RNF216: variants seen among roughly 807,000 people sequenced by gnomAD.
The protein encoded by RNF216 is ring finger protein 216.
Under a neutral mutation model 110.8 loss-of-function variants are expected in RNF216, and 72 were observed. That is an observed-to-expected ratio of 0.65 (90% CI 0.54 to 0.79). RNF216 has a LOEUF of 0.79. RNF216 is among the 30% of genes least tolerant of loss of function. RNF216 has a pLI of 0.00. For missense variants in RNF216, 1,342 were observed against 1,141.2 expected (o/e 1.18, Z -2.54); for synonymous variants, 495 against 407.5 (o/e 1.21, Z -2.59).
chr7:5,651,474 T>C (rs1232826027), intron 14 of RNF216, among the ~76,000 whole-genome samples: 2 of 152,078 alleles, frequency 1.3e-5, no homozygotes, highest in Non-Finnish European at 2.9e-5. Context: ...TCAAGCGATC[T>C]ACCTGCCTTA....
intron 13 of RNF216, among the ~76,000 whole-genome samples, chr7:5,660,943 G>GTTTTTTTTTTTTTTTTTTT (rs1168463360): frequency 3.3e-5 from 3 of 90,164 alleles, no homozygotes; most frequent in African/African-American, 1.1e-4. Flanking sequence ...GAAGCCTTAG[G>GTTTTTTTTTTTTTTTTTTT]TTTTTTTTTT....
chr7:5,717,211 G>C (rs1263616061), intron 9 of RNF216, among the ~76,000 whole-genome samples: 1 of 152,054 alleles, frequency 6.6e-6, no homozygotes, highest in African/African-American at 2.4e-5. Flanking sequence ...AAATTAGCTG[G>C]GCATGGTGGC....
Position 5,731,375 on chromosome 7 carries a change from C to T in RNF216, c.1122-558G>A, listed in dbSNP as rs187794895. Among the ~76,000 whole-genome samples the T allele has an allele frequency of 2.6e-4, 40 of 152,020 alleles. 4 individuals are homozygous for T. The highest frequency in any genetic ancestry group is 9.0e-4 in the African/African-American group (37 of 41,260). ...TACACGTGGTTTATTTAGCTAGCTG[C>T]CAAGCTAGACTGATGAACAGATCAT... On this transcript the variant is annotated intron_variant, in intron 5 of 16. Transcript: ENST00000389902.
intron 15 of RNF216, among the ~76,000 whole-genome samples, chr7:5,637,294 G>C (rs1464475545): frequency 3.9e-5 from 6 of 152,230 alleles, no homozygotes; most frequent in South Asian, 2.1e-4. Context: ...AGGATGACTC[G>C]GGCTTGGCTT....
intron 15 of RNF216, among the ~76,000 whole-genome samples, chr7:5,634,246 C>T (rs1787258921): frequency 6.6e-6 from 1 of 152,070 alleles, no homozygotes. Flanking sequence ...TGCACTTTTC[C>T]TCCCCTTAGA....
chr7:5,662,262 G>C (rs902488256), intron 13 of RNF216, among the ~76,000 whole-genome samples: 1 of 152,214 alleles, frequency 6.6e-6, no homozygotes, highest in African/African-American at 2.4e-5. Context: ...ACACGTGTGA[G>C]GAAGTAGCTG....
chr7:5,769,656 A>G (rs560645127), intron 1 of RNF216, among the ~76,000 whole-genome samples: 61 of 152,208 alleles, frequency 4.0e-4, no homozygotes, highest in Admixed American at 9.2e-4. Flanking sequence ...CCTAAGAGGC[A>G]GAAGTTGCAG....
At chr7:5,662,816 C>G (rs559997320) in intron 13 of RNF216, among the ~76,000 whole-genome samples, 40 of 152,246 alleles carry the variant, frequency 2.6e-4, no homozygotes, top group African/African-American at 9.1e-4. Flanking sequence ...AGGGTGCCAT[C>G]TGACACTGGT....
chr7:5,711,188 G>C (rs1476419279), intron 13 of RNF216, among the ~76,000 whole-genome samples: 1 of 152,168 alleles, frequency 6.6e-6, no homozygotes, highest in Non-Finnish European at 1.5e-5. Flanking sequence ...GACATTCTTA[G>C]TTCACAGGGC....
At chr7:5,771,342 C>G (rs565843011) in intron 1 of RNF216, among the ~76,000 whole-genome samples, 1 of 152,030 alleles carries the variant, frequency 6.6e-6, no homozygotes, top group South Asian at 2.1e-4. Flanking sequence ...CTTAGAGGTG[C>G]AAAAGATACC....
intron 10 of RNF216, among the ~76,000 whole-genome samples, chr7:5,715,449 A>C (rs188313588): frequency 6.6e-6 from 1 of 152,316 alleles, no homozygotes; most frequent in East Asian, 1.9e-4. Context: ...TTCTTTATAT[A>C]AAGTTATCAT....
intron 14 of RNF216, 45 bp from the exon 15 acceptor site, chr7:5,641,421 A>AGTT: frequency 6.6e-7 from 1 of 1,513,632 alleles, no homozygotes; most frequent in South Asian, 1.1e-5. Flanking sequence ...GAAGATGAGG[A>AGTT]GGAAAAAAAT....
chr7:5,676,021 CTTTTTTTTTTT>C (rs1418181857), intron 13 of RNF216, among the ~76,000 whole-genome samples: 507 of 145,650 alleles, frequency 3.5e-3, no homozygotes, highest in African/African-American at 0.012. Context: ...CTTCTTTTTT[CTTTTTTTTTTT>C]GAGACAGAGT....
rs1786473136 is a variant in RNF216, at chr7:5,622,966, G to A, written c.2666C>T (p.Pro889Leu). Residue 889 changes from proline (P) to leucine (L), a missense_variant, in exon 17 of 17, where the codon CCC becomes CTC. Transcript: ENST00000389902. ...NMGPIPAPYV[P>L]PLPNVRVNYD... Reference sequence around the variant, plus strand: ...GTTGACCCGCACGTTGGGCAGAGGGGGCACGTACGGGGCTGGGATAGGCCC... The same window carrying A: ...GTTGACCCGCACGTTGGGCAGAGGGAGCACGTACGGGGCTGGGATAGGCCC... 1.3e-5 allele frequency: 21 copies of A among 1,614,070 alleles called. No homozygotes were observed. The highest frequency in any genetic ancestry group is 1.7e-5 in the Non-Finnish European group (20 of 1,180,018).
At chr7:5,645,667 T>G (rs1788007230) in intron 14 of RNF216, among the ~76,000 whole-genome samples, 3 of 152,092 alleles carry the variant, frequency 2.0e-5, no homozygotes, top group African/African-American at 2.4e-5. Context: ...CTCAGCTCAC[T>G]GCAACCTCCA....
At chr7:5,688,459 G>C (rs1050392337) in intron 13 of RNF216, among the ~76,000 whole-genome samples, 27 of 152,136 alleles carry the variant, frequency 1.8e-4, no homozygotes, top group Non-Finnish European at 3.7e-4. Flanking sequence ...GTGAAAAGAA[G>C]AACACATACT....
At chr7:5,688,587 C>T (rs992889910) in intron 13 of RNF216, among the ~76,000 whole-genome samples, 4 of 152,142 alleles carry the variant, frequency 2.6e-5, no homozygotes, top group Admixed American at 2.0e-4. Context: ...AAGTTAAAGG[C>T]GCATGTATTT....
At chr7:5,690,368 C>A (rs1190681751) in intron 13 of RNF216, among the ~76,000 whole-genome samples, 1 of 151,818 alleles carries the variant, frequency 6.6e-6, no homozygotes, top group Non-Finnish European at 1.5e-5. Context: ...TTTTTACTTC[C>A]TGTTTCTCTA....
rs34172457 is a variant in RNF216, at chr7:5,629,826, C to CAAAAA, written c.2383-5706_2383-5702dup. 1.4e-3 allele frequency among the ~76,000 whole-genome samples: 74 copies of CAAAAA among 54,028 alleles called. 3 individuals are homozygous for CAAAAA. The highest frequency in any genetic ancestry group is 4.3e-3 in the African/African-American group (62 of 14,282). 35.4% of individuals were successfully genotyped at this position (54,028 alleles called of 152,430 possible). On this transcript the variant is annotated intron_variant, in intron 15 of 16. Coordinates refer to ENST00000389902, the MANE Select transcript of RNF216 (RefSeq NM_207111.4). ...TGGGCAACAGAGCAAGACTCTGTCT[C>CAAAAA]AAAAAAAAAAAAAAAAAAAAAAAGA...
Sources: gnomAD v4.1 joint callset for allele counts (sites outside exome capture counted in the v4.1 genomes callset) on GRCh38, gnomAD v4.1.1 for gene constraint, MANE v1.5 for transcripts, NCBI Gene and HGNC (gene_info 2026-07-23, HGNC 2026-07-21) for gene names.